Variants in ODF2 observed in about 807,000 individuals in gnomAD.
The protein encoded by ODF2 is outer dense fiber of sperm tails 2.
A neutral mutation model predicts 110.2 loss-of-function variants in ODF2; 47 were observed. That is an observed-to-expected ratio of 0.43 (90% CI 0.34 to 0.54). The LOEUF is 0.54. Ranked by LOEUF, ODF2 falls within the 20% of genes least tolerant of loss-of-function variation. ODF2 has a pLI of 0.03. For synonymous variants in ODF2, 352 were observed against 397.7 expected (o/e 0.89, Z 1.37); for missense variants, 812 against 1,054.5 (o/e 0.77, Z 3.19).
At chr9:128,455,915 T>G, upstream of ODF2, 1 of 1,370,002 alleles carries the variant, frequency 7.3e-7, no homozygotes, top group Non-Finnish European at 9.5e-7. Flanking sequence ...GGAAAGGCCT[T>G]GAATGGGGGG....
chr9:128,498,286 C>T (rs978463631), intron 18 of ODF2, 127 bp from the exon 19 acceptor site: 2 of 1,376,200 alleles, frequency 1.5e-6, no homozygotes, highest in African/African-American at 1.5e-5. Flanking sequence ...TTGGCTTATT[C>T]CTGTGGCTCC....
chr9:128,498,602 G>T (rs1332864368), intron 19 of ODF2, 27 bp downstream of exon 19: 2 of 1,322,324 alleles, frequency 1.5e-6, no homozygotes, highest in Non-Finnish European at 2.1e-6. Context: ...TGAATGACTA[G>T]CTCTGTGACC....
chr9:128,494,414 C>T lies in ODF2; in HGVS notation c.1753-96C>T. ...TCCACTGGGGACTGTGTCAGCCCTG[C>T]CCTAACTCTAAAGGACTCTGCCTGG... On this transcript the variant is annotated intron_variant, in intron 16 of 20. Transcript: ENST00000604420. The surrounding 1 kb of genome is among the most constrained non-coding windows in gnomAD (Gnocchi z 4.6). 9.0e-7 allele frequency: 1 copy of T among 1,114,500 alleles called. No homozygotes were observed. Among genetic ancestry groups the T allele is most frequent in the Non-Finnish European group, 1.3e-6 (1 of 756,858 alleles). The allele number at this position is 1,114,500 out of a possible 1,614,324, so 69.0% of individuals were successfully genotyped here. A position where few individuals can be genotyped will look rare whatever the true frequency, so the allele number is the denominator to read the frequency against.
chr9:128,488,125 G>C (rs1315633279), intron 14 of ODF2, 100 bp downstream of exon 14: 1 of 1,403,230 alleles, frequency 7.1e-7, no homozygotes, highest in South Asian at 1.2e-5. Context: ...GACTAAGAGG[G>C]AGTCAGAAAA....
chr9:128,462,507 A>G (rs1836747131), intron 4 of ODF2, among the ~76,000 whole-genome samples: 1 of 152,162 alleles, frequency 6.6e-6, no homozygotes, highest in African/African-American at 2.4e-5. Context: ...TTCTGGAGTC[A>G]GTTTGGCAGG....
intron 3 of ODF2, 79 bp downstream of exon 2, chr9:128,459,736 C>G (rs547403860): frequency 9.3e-7 from 1 of 1,077,676 alleles, no homozygotes. Context: ...TAGGAGGTGC[C>G]TTACCCTGCT....
At chr9:128,457,267 G>C in exon 2 of ODF2, 2 of 1,599,756 alleles carry the variant, frequency 1.3e-6, no homozygotes, top group Middle Eastern at 3.3e-4. Flanking sequence ...CAACCCCAAA[G>C]CTTCCACCCT....
At position 128,494,691 on chromosome 9, in the gene ODF2, C is replaced by T. The variant is rs763570959; in HGVS notation, c.1911+23C>T. ...CGGGTAAGGGACTGGCAGAAAGGGT[C>T]CCACGAACTGACCCGAGCAGGGGCC... is the stretch of plus-strand genomic sequence containing the variant. On this transcript the variant is annotated intron_variant, in intron 17 of 20. Transcript: ENST00000604420. This position sits in a 1 kb window ranked among gnomAD's most constrained non-coding sequence, Gnocchi z 4.6. 6.2e-7 allele frequency: 1 copy of T among 1,614,188 alleles called. No individual in the cohort carries two copies. The highest frequency in any genetic ancestry group is 1.1e-5 in the South Asian group (1 of 91,084).
At chr9:128,495,409 C>G (rs1375209602) in intron 17 of ODF2, among the ~76,000 whole-genome samples, 1 of 152,240 alleles carries the variant, frequency 6.6e-6, no homozygotes, top group Non-Finnish European at 1.5e-5. Flanking sequence ...AGAGCTAGTA[C>G]CTAGTAAGCA....
At position 128,484,898 on chromosome 9, in the gene ODF2, G is replaced by T. The variant is rs766903096; in HGVS notation, c.1290+12G>T. The T allele has an allele frequency of 1.9e-6, 3 of 1,610,948 alleles. No homozygotes were observed. The highest frequency in any genetic ancestry group is 3.4e-5 in the Admixed American group (2 of 59,414). ...AACTCGCTGACAAGGTCGCAGGCCC[G>T]CGGTGCCCAGCTCCTCACCTGCCCT... On this transcript the variant is annotated intron_variant, in intron 12 of 20. Transcript: ENST00000604420.
chr9:128,491,906 G>T (rs964327797), intron 14 of ODF2, among the ~76,000 whole-genome samples: 4 of 132,834 alleles, frequency 3.0e-5, no homozygotes, highest in Non-Finnish European at 1.6e-5. Context: ...TTGCTCTGTC[G>T]CCCAGGCTGG....
rs1246516588 is a variant in ODF2 at position 128,458,517 on chromosome 9, C to T, written c.33-1050C>T. Reference sequence around the variant, plus strand: ...TGGATCAGATGGTTATTCCAAGGCCCTTCCCATCCTGGACTTTTTGGATAT... The same window carrying T: ...TGGATCAGATGGTTATTCCAAGGCCTTTCCCATCCTGGACTTTTTGGATAT... On this transcript the variant is annotated intron_variant, in intron 2 of 20. Transcript: ENST00000604420. Among the ~76,000 whole-genome samples the T allele has an allele frequency of 2.0e-5, 3 of 148,926 alleles. No homozygotes were observed. In the Admixed American group the frequency reaches 2.0e-4, roughly 10 times the overall value.
chr9:128,484,912 C>G, intron 12 of ODF2, 26 bp downstream of exon 12: 1 of 1,608,410 alleles, frequency 6.2e-7, no homozygotes, highest in Non-Finnish European at 8.5e-7. Flanking sequence ...TGCCCAGCTC[C>G]TCACCTGCCC....
At position 128,498,408 on chromosome 9, in the gene ODF2, C is replaced by A. The variant is rs1195908499; in HGVS notation, c.2013-5C>A. Reference sequence around the variant, plus strand: ...CCCAGGATCTGATTGAGTGCTTTCACCTAGGAAACTGGAGGCGACCAGTGC... The same window carrying A: ...CCCAGGATCTGATTGAGTGCTTTCAACTAGGAAACTGGAGGCGACCAGTGC... On this transcript the variant is annotated splice_polypyrimidine_tract_variant and splice_region_variant and intron_variant, in intron 18 of 20. Coordinates refer to ENST00000604420, the Ensembl canonical transcript of ODF2. 23 of 1,580,426 alleles carry A rather than the reference C, an allele frequency of 1.5e-5. No homozygotes were observed. Among genetic ancestry groups the A allele is most frequent in the Non-Finnish European group, 1.9e-5 (22 of 1,163,148 alleles).
intron 14 of ODF2, among the ~76,000 whole-genome samples, chr9:128,489,726 A>C (rs1009339652): frequency 6.6e-6 from 1 of 152,208 alleles, no homozygotes; most frequent in Non-Finnish European, 1.5e-5. Flanking sequence ...TTTATTGTTT[A>C]TATACCTTGA....
chr9:128,489,899 G>C (rs961430172), intron 14 of ODF2, among the ~76,000 whole-genome samples: 1 of 152,168 alleles, frequency 6.6e-6, no homozygotes, highest in Non-Finnish European at 1.5e-5. Context: ...GTGAGTAAAA[G>C]GATAACAGTT....
intron 19 of ODF2, among the ~76,000 whole-genome samples, 164 bp from the exon 20 acceptor site, chr9:128,498,837 C>T (rs991967400): frequency 3.3e-5 from 5 of 152,230 alleles, no homozygotes; most frequent in Non-Finnish European, 7.3e-5. Flanking sequence ...GGGTGGCAGG[C>T]ATAGTCCCCA....
rs560889397 is a variant in ODF2 at position 128,466,904 on chromosome 9, G to A, written c.250-2279G>A. Among the ~76,000 whole-genome samples the A allele has an allele frequency of 9.9e-5, 14 of 141,398 alleles. No homozygotes were observed. In the South Asian group the frequency reaches 3.0e-3, roughly 30 times the overall value. 92.8% of individuals were successfully genotyped at this position (141,398 alleles called of 152,430 possible). A position where few individuals can be genotyped will look rare whatever the true frequency, so the allele number is the denominator to read the frequency against. ...AGGCAGGAGAATGGCGTGAACCTGGGAGGCGGAGCTTGCAGTGAGCCGAGA... is the reference window on the plus strand; with the variant it reads ...AGGCAGGAGAATGGCGTGAACCTGGAAGGCGGAGCTTGCAGTGAGCCGAGA... On this transcript the variant is annotated intron_variant, in intron 4 of 20. Coordinates refer to ENST00000604420, the Ensembl canonical transcript of ODF2.
intron 13 of ODF2, among the ~76,000 whole-genome samples, chr9:128,486,128 C>A (rs147988076): frequency 6.6e-6 from 1 of 152,266 alleles, no homozygotes; most frequent in African/African-American, 2.4e-5. Context: ...AAATGCATTC[C>A]CTGCCCTCTA....
Sources: gnomAD v4.1 joint callset for allele counts (sites outside exome capture counted in the v4.1 genomes callset) on GRCh38, gnomAD v4.1.1 for gene constraint, Gnocchi (gnomAD v3.1) non-coding constraint, MANE v1.5 for transcripts, NCBI Gene and HGNC (gene_info 2026-07-23, HGNC 2026-07-21) for gene names.